The following BCAR3 variants were observed in gnomAD, a reference collection of about 807,000 sequenced individuals.
BCAR3 encodes the protein breast cancer anti-estrogen resistance protein 3.
BCAR3 carries 37 observed loss-of-function variants against 80.1 expected under a neutral mutation model. The observed-to-expected ratio is 0.46, with a 90% CI of 0.36 to 0.61. The LOEUF is 0.61. Ranked by LOEUF, BCAR3 falls within the 20% of genes least tolerant of loss-of-function variation. The pLI is 0.00. For synonymous variants in BCAR3, 389 were observed against 418.9 expected, an observed-to-expected ratio of 0.93 and a Z score of 0.87; for missense variants, 978 against 1,068.2, an observed-to-expected ratio of 0.92 and a Z score of 1.18.
chr1:93,811,466 T>C (rs960782145), intron 2 of BCAR3, among the ~76,000 whole-genome samples: 1 of 152,220 alleles, frequency 6.6e-6, no homozygotes, highest in African/African-American at 2.4e-5. Context: ...AGCTGCTAAG[T>C]ATCAGAGACA....
chr1:93,729,495 A>G (rs1340002002), intron 2 of BCAR3, among the ~76,000 whole-genome samples: 1 of 152,192 alleles, frequency 6.6e-6, no homozygotes, highest in Non-Finnish European at 1.5e-5. Flanking sequence ...TTGAACCATC[A>G]TATGTTGGGG....
intron 2 of BCAR3, among the ~76,000 whole-genome samples, chr1:93,816,299 T>C (rs1654013179): frequency 6.6e-6 from 1 of 152,120 alleles, no homozygotes; most frequent in Non-Finnish European, 1.5e-5. Flanking sequence ...CATGATCATA[T>C]CCCCCAAGCA....
At chr1:93,645,207 T>G (rs1245859881) in intron 2 of BCAR3, among the ~76,000 whole-genome samples, 2 of 151,868 alleles carry the variant, frequency 1.3e-5, no homozygotes. Context: ...TTAAAATGGC[T>G]CATCCAGGAC....
intron 3 of BCAR3, among the ~76,000 whole-genome samples, chr1:93,621,761 C>T (rs1245273406): frequency 6.6e-6 from 1 of 152,198 alleles, no homozygotes; most frequent in Non-Finnish European, 1.5e-5. Flanking sequence ...ACAACCCCTC[C>T]TCACCACAGA....
intron 3 of BCAR3, among the ~76,000 whole-genome samples, chr1:93,615,179 T>C (rs1675074704): frequency 1.3e-5 from 2 of 152,038 alleles, no homozygotes; most frequent in African/African-American, 4.8e-5. Context: ...AGAAACAAGA[T>C]CTATTCAGTC....
At chr1:93,678,423 C>T (rs1214558718) in intron 1 of BCAR3, among the ~76,000 whole-genome samples, 5 of 152,256 alleles carry the variant, frequency 3.3e-5, no homozygotes, top group Admixed American at 2.0e-4. Context: ...GTGGTCTGTC[C>T]TCATGAAGCT....
chr1:93,673,900 A>G (rs1352783212), intron 2 of BCAR3, among the ~76,000 whole-genome samples: 1 of 152,262 alleles, frequency 6.6e-6, no homozygotes, highest in East Asian at 1.9e-4. Context: ...ATCTGATGCT[A>G]TGATAAAAAG....
intron 3 of BCAR3, among the ~76,000 whole-genome samples, chr1:93,688,582 T>C (rs531581384): frequency 7.3e-5 from 11 of 151,356 alleles, no homozygotes; most frequent in Admixed American, 7.3e-4. Context: ...TATATGTATG[T>C]TTTTTTTTAC....
At chr1:93,769,213 A>G (rs911142626) in intron 2 of BCAR3, among the ~76,000 whole-genome samples, 6 of 152,226 alleles carry the variant, frequency 3.9e-5, no homozygotes, top group Non-Finnish European at 8.8e-5. Context: ...AAGGCAGAGC[A>G]ATGGGAATTT....
intron 2 of BCAR3, among the ~76,000 whole-genome samples, chr1:93,659,188 TTTG>T (rs1306688674): frequency 2.0e-5 from 3 of 152,094 alleles, no homozygotes; most frequent in African/African-American, 4.8e-5. Flanking sequence ...CAACAGGTTT[TTTG>T]TTGTTGTTGA....
At chr1:93,827,523 T>C (rs1252126697) in intron 2 of BCAR3, among the ~76,000 whole-genome samples, 1 of 151,870 alleles carries the variant, frequency 6.6e-6, no homozygotes, top group Admixed American at 6.6e-5. Context: ...CCAAAGCATT[T>C]TGGAGCTGGG....
chr1:93,810,671 C>T (rs61425457), intron 2 of BCAR3, among the ~76,000 whole-genome samples: 12,900 of 152,180 alleles, frequency 0.085, 623 homozygotes, highest in African/African-American at 0.12. Context: ...AAGGTGTCAC[C>T]CGTGCCCAGA....
chr1:93,641,012 C>G (rs1456624438), intron 3 of BCAR3, among the ~76,000 whole-genome samples: 3 of 152,204 alleles, frequency 2.0e-5, no homozygotes, highest in South Asian at 4.1e-4. Flanking sequence ...AATGCACAAC[C>G]TGCACAAAAC....
At chr1:93,593,728 A>AAACAACAAC (rs112457260) in intron 3 of BCAR3, among the ~76,000 whole-genome samples, 3,761 of 151,270 alleles carry the variant, frequency 0.025, 127 homozygotes, top group African/African-American at 0.074. Context: ...CTTTTCCACC[A>AAACAACAAC]AACAACAACA....
At chr1:93,671,654 C>T (rs1407558556) in intron 2 of BCAR3, among the ~76,000 whole-genome samples, 3 of 152,216 alleles carry the variant, frequency 2.0e-5, no homozygotes, top group African/African-American at 7.2e-5. Context: ...AGTTCCATTT[C>T]TCTCACTGTA....
At chr1:93,689,949 G>T (rs943781867) in intron 3 of BCAR3, among the ~76,000 whole-genome samples, 3 of 152,178 alleles carry the variant, frequency 2.0e-5, no homozygotes, top group East Asian at 1.9e-4. Context: ...CCTTCCAGGG[G>T]TTCACTTTCC....
At chr1:93,660,478 T>C (rs1427168511) in intron 2 of BCAR3, among the ~76,000 whole-genome samples, 2 of 152,204 alleles carry the variant, frequency 1.3e-5, no homozygotes, top group African/African-American at 2.4e-5. Context: ...GCCATTTCTA[T>C]CTGTTTACCA....
At chr1:93,576,158 G>A in intron 7 of BCAR3, 29 bp from the exon 8 acceptor site, 1 of 1,566,618 alleles carries the variant, frequency 6.4e-7, no homozygotes, top group Non-Finnish European at 8.8e-7. Context: ...GAAATACACT[G>A]GATCAGGAAG....
intron 9 of BCAR3, among the ~76,000 whole-genome samples, chr1:93,571,279 C>T (rs912540109): frequency 4.5e-4 from 68 of 151,718 alleles, no homozygotes; most frequent in Admixed American, 4.2e-3. Context: ...GAGGCTGAGG[C>T]GGGCAGATCA....
Sources: gnomAD v4.1 joint callset for allele counts (sites outside exome capture counted in the v4.1 genomes callset) on GRCh38, gnomAD v4.1.1 for gene constraint, MANE v1.5 for transcripts, NCBI Gene and HGNC (gene_info 2026-07-23, HGNC 2026-07-21) for gene names.